Variants in PCDH9 observed in about 807,000 individuals in gnomAD.
The protein encoded by PCDH9 is protocadherin 9, also known as protocadherin-9.
Under a neutral mutation model 70.6 loss-of-function variants are expected in PCDH9, and 24 were observed. The observed-to-expected ratio is 0.34, with a 90% CI of 0.25 to 0.48. The LOEUF (loss-of-function observed/expected upper bound fraction) is 0.48, where lower values mean the gene tolerates loss of function less well. Ranked by LOEUF, PCDH9 falls within the 20% of genes least tolerant of loss-of-function variation. PCDH9 has a pLI of 0.99. For missense variants in PCDH9, 1,281 were observed against 1,503.6 expected, an observed-to-expected ratio of 0.85 and a Z score of 2.45; for synonymous variants, 562 against 558.5, an observed-to-expected ratio of 1.01 and a Z score of -0.09.
intron 2 of PCDH9, among the ~76,000 whole-genome samples, chr13:67,080,665 AT>A (rs2085965843): frequency 6.6e-6 from 1 of 152,206 alleles, no homozygotes. Flanking sequence ...CAATAAAACA[AT>A]TTGCGATTTC....
intron 4 of PCDH9, among the ~76,000 whole-genome samples, chr13:66,501,431 T>A (rs1348194208): frequency 6.6e-6 from 1 of 152,142 alleles, no homozygotes; most frequent in Non-Finnish European, 1.5e-5. Context: ...AGAATTTCAT[T>A]AAACAGCATG....
At chr13:67,018,659 C>T (rs12867574) in intron 2 of PCDH9, among the ~76,000 whole-genome samples, 43,563 of 149,828 alleles carry the variant, frequency 0.29, 6,875 homozygotes, top group Admixed American at 0.36. Context: ...AAGGGATAGC[C>T]AATAATGAGT....
At chr13:67,049,141 GC>G (rs2085277107) in intron 2 of PCDH9, among the ~76,000 whole-genome samples, 1 of 152,086 alleles carries the variant, frequency 6.6e-6, no homozygotes, top group Non-Finnish European at 1.5e-5. Context: ...AATGAAAAGT[GC>G]CTTTTGTTAA....
In PCDH9 at chr13:66,426,531, C is replaced by T. The variant is rs190807517; in HGVS notation, c.3341-121503G>A. Among the ~76,000 whole-genome samples the T allele has an allele frequency of 1.4e-3, 204 of 146,594 alleles. 1 individual carries two copies. Among genetic ancestry groups the T allele is most frequent in the Non-Finnish European group, 8.3e-4 (53 of 63,840 alleles). On this transcript the variant is annotated intron_variant, in intron 4 of 4. Coordinates refer to ENST00000377865, the MANE Select transcript of PCDH9 (RefSeq NM_203487.3). ...CTATTTCCAAGCACAGGCAAAAATA[C>T]GCTATGTAATATTAGAAATTCATAT...
intron 3 of PCDH9, among the ~76,000 whole-genome samples, chr13:66,832,342 A>C (rs2080942067): frequency 6.6e-6 from 1 of 152,056 alleles, no homozygotes; most frequent in African/African-American, 2.4e-5. Context: ...GAGGTATCTA[A>C]AACACACTGC....
chr13:66,322,194 G>A lies in PCDH9; in HGVS notation c.3341-17166C>T, dbSNP rs1593795863. Among the ~76,000 whole-genome samples, 3 of 151,860 alleles carry A rather than the reference G, an allele frequency of 2.0e-5. No homozygotes were observed. In the East Asian group the frequency reaches 5.8e-4, roughly 29 times the overall value. On this transcript the variant is annotated intron_variant, in intron 4 of 4. Transcript: ENST00000377865. ...TTCTTTCTATGAGAATACATTCTGG[G>A]TTCAGAGTACTCAAGTCCCTAACAA...
At chr13:66,739,603 C>T (rs61961025) in intron 3 of PCDH9, among the ~76,000 whole-genome samples, 41,486 of 148,206 alleles carry the variant, frequency 0.28, 6,332 homozygotes, top group East Asian at 0.45. Context: ...TCCCATCTCA[C>T]GTGCAGAGAC....
intron 2 of PCDH9, among the ~76,000 whole-genome samples, chr13:67,001,123 T>G (rs577593700): frequency 9.9e-5 from 15 of 152,198 alleles, no homozygotes; most frequent in Non-Finnish European, 1.9e-4. Flanking sequence ...CAGAAGTAAG[T>G]GTGTCTGATT....
chr13:66,658,706 T>C (rs1287964579), intron 3 of PCDH9, among the ~76,000 whole-genome samples: 1 of 152,166 alleles, frequency 6.6e-6, no homozygotes, highest in Non-Finnish European at 1.5e-5. Flanking sequence ...TGTTGTAATT[T>C]AATTGTTAGA....
intron 3 of PCDH9, among the ~76,000 whole-genome samples, chr13:66,684,955 G>A (rs1286718292): frequency 6.6e-6 from 1 of 152,096 alleles, no homozygotes; most frequent in Non-Finnish European, 1.5e-5. Flanking sequence ...TCGAGATGGA[G>A]GTAGTGTTAA....
intron 4 of PCDH9, among the ~76,000 whole-genome samples, chr13:66,600,436 G>T (rs2077151999): frequency 6.6e-6 from 1 of 151,754 alleles, no homozygotes; most frequent in African/African-American, 2.4e-5. Context: ...TATTTTCATT[G>T]ACTGTTTTTC....
At chr13:67,005,128 A>G (rs2084325096) in intron 2 of PCDH9, among the ~76,000 whole-genome samples, 1 of 151,932 alleles carries the variant, frequency 6.6e-6, no homozygotes, top group African/African-American at 2.4e-5. Context: ...GAGGAGAGGA[A>G]TATTCAAAAA....
At chr13:66,514,124 C>T (rs1478463539) in intron 4 of PCDH9, among the ~76,000 whole-genome samples, 3 of 152,048 alleles carry the variant, frequency 2.0e-5, no homozygotes, top group African/African-American at 4.8e-5. Flanking sequence ...AAAATATGAA[C>T]TCTATATTTG....
At chr13:67,023,401 A>G (rs1221469812) in intron 2 of PCDH9, among the ~76,000 whole-genome samples, 1 of 152,228 alleles carries the variant, frequency 6.6e-6, no homozygotes, top group Admixed American at 6.5e-5. Flanking sequence ...ATTCTGTAGT[A>G]AAATTCTGTC....
intron 2 of PCDH9, among the ~76,000 whole-genome samples, chr13:67,037,473 GT>G: frequency 6.6e-6 from 1 of 152,090 alleles, no homozygotes; most frequent in Non-Finnish European, 1.5e-5. Flanking sequence ...TTGTTTGTTT[GT>G]TTTTTGTTTG....
At chr13:66,888,617 T>C (rs1299906699) in intron 3 of PCDH9, among the ~76,000 whole-genome samples, 2 of 151,928 alleles carry the variant, frequency 1.3e-5, no homozygotes, top group Non-Finnish European at 1.5e-5. Flanking sequence ...AGAAAAGTGA[T>C]TTTTGAAGAG....
At chr13:66,338,373 C>CT (rs1042130044) in intron 4 of PCDH9, among the ~76,000 whole-genome samples, 2 of 151,918 alleles carry the variant, frequency 1.3e-5, no homozygotes, top group Non-Finnish European at 2.9e-5. Flanking sequence ...ATTAATTTAA[C>CT]TTTTTTTGAT....
intron 2 of PCDH9, among the ~76,000 whole-genome samples, chr13:67,033,851 A>C (rs1414334329): frequency 6.6e-6 from 1 of 152,224 alleles, no homozygotes; most frequent in Non-Finnish European, 1.5e-5. Context: ...TGCTCACTTC[A>C]AGTTAGCAAT....
At chr13:66,982,573 G>A (rs1486078734) in intron 2 of PCDH9, among the ~76,000 whole-genome samples, 1 of 152,098 alleles carries the variant, frequency 6.6e-6, no homozygotes, top group Non-Finnish European at 1.5e-5. Flanking sequence ...CCTACCCCGG[G>A]TTCTCCTGGA....
Sources: gnomAD v4.1 joint callset for allele counts (sites outside exome capture counted in the v4.1 genomes callset) on GRCh38, gnomAD v4.1.1 for gene constraint, MANE v1.5 for transcripts, NCBI Gene and HGNC (gene_info 2026-07-23, HGNC 2026-07-21) for gene names.